The following ARHGEF7 variants were observed in gnomAD, a reference collection of about 807,000 sequenced individuals.
The protein encoded by ARHGEF7 is Rho guanine nucleotide exchange factor 7.
ARHGEF7 carries 33 observed loss-of-function variants against 109.8 expected under a neutral mutation model. The observed-to-expected ratio is 0.30, with a 90% confidence interval of 0.23 to 0.40. ARHGEF7 has a LOEUF of 0.40. Among genes scored for constraint, ARHGEF7 ranks in the 10% least tolerant of loss-of-function variants. ARHGEF7 has a pLI of 1.00. For missense variants in ARHGEF7, 938 were observed against 1,098.5 expected, an observed-to-expected ratio of 0.85 and a Z score of 2.07; for synonymous variants, 458 against 424.6, an observed-to-expected ratio of 1.08 and a Z score of -0.97.
chr13:111,295,448 G>A (rs188039773), intron 19 of ARHGEF7, among the ~76,000 whole-genome samples: 3 of 152,314 alleles, frequency 2.0e-5, no homozygotes, highest in Admixed American at 6.5e-5. Context: ...TCACTGGCGG[G>A]TTTGTCTTCA....
chr13:111,143,325 A>G (rs1566620701), intron 1 of ARHGEF7, among the ~76,000 whole-genome samples: 1 of 152,224 alleles, frequency 6.6e-6, no homozygotes, highest in South Asian at 2.1e-4. Flanking sequence ...CTACACAGCT[A>G]GTACCCACCT....
At chr13:111,279,365 A>T (rs981410729) in intron 13 of ARHGEF7, among the ~76,000 whole-genome samples, 1 of 152,062 alleles carries the variant, frequency 6.6e-6, no homozygotes, top group South Asian at 2.1e-4. Context: ...ACTGTAGGGT[A>T]TCAGCAGCCT....
chr13:111,205,206 C>A (rs568477054), intron 2 of ARHGEF7, 83 bp from the exon 3 acceptor site: 3 of 1,048,258 alleles, frequency 2.9e-6, no homozygotes, highest in Admixed American at 2.5e-5. Context: ...GGCTGAGCAT[C>A]GTCGCGTTGC....
intron 2 of ARHGEF7, among the ~76,000 whole-genome samples, chr13:111,160,088 C>T (rs1391135570): frequency 6.6e-6 from 1 of 152,164 alleles, no homozygotes; most frequent in Non-Finnish European, 1.5e-5. Context: ...CCAATTTTCC[C>T]AGCACCATAT....
At chr13:111,280,483 C>T (rs2092719787) in intron 14 of ARHGEF7, 55 bp from the exon 15 acceptor site, 1 of 1,578,004 alleles carries the variant, frequency 6.3e-7, no homozygotes, top group African/African-American at 1.4e-5. Context: ...GGTGTGCACG[C>T]ACGTGCTTTT....
At chr13:111,227,559 A>G (rs1424550764) in intron 5 of ARHGEF7, among the ~76,000 whole-genome samples, 1 of 152,240 alleles carries the variant, frequency 6.6e-6, no homozygotes, top group Non-Finnish European at 1.5e-5. Flanking sequence ...CAAACTTAAT[A>G]GACTACAGTA....
At chr13:111,163,504 G>A (rs955418656) in intron 2 of ARHGEF7, among the ~76,000 whole-genome samples, 1 of 152,068 alleles carries the variant, frequency 6.6e-6, no homozygotes, top group African/African-American at 2.4e-5. Context: ...AAGTTTTTTA[G>A]TAACTACTTT....
chr13:111,302,706 T>G (rs2093597846), intron 21 of ARHGEF7, among the ~76,000 whole-genome samples: 1 of 152,230 alleles, frequency 6.6e-6, no homozygotes, highest in African/African-American at 2.4e-5. Context: ...GTCCGCAGTT[T>G]CCAGCTATTT....
chr13:111,299,467 C>T (rs1049439461), intron 19 of ARHGEF7, among the ~76,000 whole-genome samples: 8 of 151,802 alleles, frequency 5.3e-5, no homozygotes, highest in Admixed American at 2.6e-4. Context: ...CTCAGCCTCC[C>T]GAGTAGCTGG....
At chr13:111,287,346 T>G (rs2093063356) in intron 17 of ARHGEF7, among the ~76,000 whole-genome samples, 2 of 152,180 alleles carry the variant, frequency 1.3e-5, no homozygotes, top group South Asian at 2.1e-4. Context: ...AGGGCTGTTC[T>G]GTGGGCCACT....
chr13:111,134,888 T>A (rs9559995), intron 1 of ARHGEF7, among the ~76,000 whole-genome samples: 42,730 of 151,642 alleles, frequency 0.28, 7,570 homozygotes, highest in East Asian at 0.66. Context: ...TCCTGAATGG[T>A]ATTGCCTAGG....
Position 111,153,978 on chromosome 13 carries a change from C to T in ARHGEF7, c.239C>T (p.Ser80Phe). 1 of 1,602,532 alleles carries T rather than the reference C, an allele frequency of 6.2e-7. No individual in the cohort carries two copies. Among genetic ancestry groups the T allele is most frequent in the Non-Finnish European group, 8.5e-7 (1 of 1,176,590 alleles). The change falls in exon 2 of 22, where the codon TCC (serine) becomes TTC (phenylalanine). Residue 80 changes from serine (S) to phenylalanine (F), a missense_variant. Coordinates refer to ENST00000646102, the MANE Select transcript of ARHGEF7 (RefSeq NM_001354046.2). ...GAGTTCCTGCGCGGCTGCGGGGCTT[C>T]CCTGCGGCTGGAGGTGAGCGCGGGC... ...IREFLRGCGA[S>F]LRLETFDAND...
In ARHGEF7 at chr13:111,258,086, C is replaced by A. The variant is rs1414250758; in HGVS notation, c.951-9462C>A. Among the ~76,000 whole-genome samples the A allele has an allele frequency of 1.3e-5, 2 of 152,214 alleles. No individual in the cohort carries two copies. The highest frequency in any genetic ancestry group is 1.3e-4 in the Admixed American group (2 of 15,278). ...GGCCTGCAACCTAGTGAGACCTCAG[C>A]CGGGGCAGCCAAGGGAGGCCTTGCA... On this transcript the variant is annotated intron_variant, in intron 8 of 21. Transcript: ENST00000646102. This position sits in a 1 kb window ranked among gnomAD's most constrained non-coding sequence, Gnocchi z 4.4.
At chr13:111,283,030 T>A (rs945931103) in intron 15 of ARHGEF7, 109 bp from the exon 16 acceptor site, 1 of 1,322,382 alleles carries the variant, frequency 7.6e-7, no homozygotes, top group South Asian at 1.4e-5. Flanking sequence ...CTGAGGTTTA[T>A]TTCACATGGA....
intron 5 of ARHGEF7, among the ~76,000 whole-genome samples, chr13:111,221,171 C>CTA (rs1240772865): frequency 3.7e-5 from 4 of 108,742 alleles, no homozygotes; most frequent in Admixed American, 9.8e-5. Flanking sequence ...CTATATATAT[C>CTA]TATATAGATA....
rs1469482262 is a variant in ARHGEF7, at chr13:111,301,801, A to G, written c.2466+269A>G. ...CAGCTACTTGGGAGGCTGAGGCAGG[A>G]GAATTGCTTGAACCTAGGAGGCGGA... On this transcript the variant is annotated intron_variant, in intron 21 of 21. Coordinates refer to ENST00000646102, the MANE Select transcript of ARHGEF7 (RefSeq NM_001354046.2). Among the ~76,000 whole-genome samples, 7 of 152,294 alleles carry G rather than the reference A, an allele frequency of 4.6e-5. No individual in the cohort carries two copies. The East Asian group carries it at 1.4e-3, about 29-fold the overall frequency.
intron 19 of ARHGEF7, among the ~76,000 whole-genome samples, chr13:111,295,946 T>C (rs1467379054): frequency 6.6e-6 from 1 of 152,200 alleles, no homozygotes; most frequent in Non-Finnish European, 1.5e-5. Context: ...ACTTACCCTG[T>C]TTTTAGGCTT....
intron 2 of ARHGEF7, among the ~76,000 whole-genome samples, chr13:111,174,957 C>T (rs1028047845): frequency 9.2e-5 from 14 of 152,298 alleles, no homozygotes; most frequent in East Asian, 7.7e-4. Flanking sequence ...GCCTGTGTCT[C>T]GGGATCTTGC....
At chr13:111,195,583 G>T (rs1027207662) in intron 2 of ARHGEF7, among the ~76,000 whole-genome samples, 4 of 152,194 alleles carry the variant, frequency 2.6e-5, no homozygotes, top group Admixed American at 2.6e-4. Flanking sequence ...CTCAGTGAGG[G>T]TGATGACAAG....
Sources: gnomAD v4.1 joint callset for allele counts (sites outside exome capture counted in the v4.1 genomes callset) on GRCh38, gnomAD v4.1.1 for gene constraint, Gnocchi (gnomAD v3.1) non-coding constraint, MANE v1.5 for transcripts, NCBI Gene and HGNC (gene_info 2026-07-23, HGNC 2026-07-21) for gene names.